GNB1: variants seen among roughly 807,000 people sequenced by gnomAD.
The protein encoded by GNB1 is guanine nucleotide-binding protein G(I)/G(S)/G(T) subunit beta-1.
In GNB1, 2 loss-of-function variants were observed where a neutral mutation model predicts 42.9. That is an observed-to-expected ratio of 0.05 (90% confidence interval 0.02 to 0.15). The LOEUF (loss-of-function observed/expected upper bound fraction) is 0.15, where lower values mean the gene tolerates loss of function less well. Ranked by LOEUF, GNB1 falls within the 10% of genes least tolerant of loss-of-function variation. The pLI is 1.00. For missense variants in GNB1, 193 were observed against 462.2 expected (o/e 0.42, Z 5.34); for synonymous variants, 183 against 174.7 (o/e 1.05, Z -0.38).
intron 1 of GNB1, among the ~76,000 whole-genome samples, chr1:1,880,218 C>T (rs1387305765): frequency 1.3e-5 from 2 of 152,206 alleles, no homozygotes; most frequent in African/African-American, 4.8e-5. Flanking sequence ...CAGGTGTGAG[C>T]TACCATGCCC....
intron 5 of GNB1, among the ~76,000 whole-genome samples, chr1:1,813,031 T>G (rs1441563617): frequency 6.6e-6 from 1 of 152,146 alleles, no homozygotes; most frequent in Non-Finnish European, 1.5e-5. Context: ...TCCACTAACC[T>G]GCCTAATCTG....
chr1:1,788,995 G>T, intron 10 of GNB1, 58 bp downstream of exon 10: 1 of 1,216,790 alleles, frequency 8.2e-7, no homozygotes, highest in Non-Finnish European at 1.2e-6. Context: ...CTCTGTGTTT[G>T]CTCTAAAGAT....
intron 1 of GNB1, among the ~76,000 whole-genome samples, chr1:1,886,393 C>A (rs190922313): frequency 6.6e-6 from 1 of 152,296 alleles, no homozygotes; most frequent in East Asian, 1.9e-4. Flanking sequence ...TTTCTTCAAT[C>A]AAAGTTCTAG....
At chr1:1,868,827 A>T (rs1490590698) in intron 1 of GNB1, among the ~76,000 whole-genome samples, 1 of 151,984 alleles carries the variant, frequency 6.6e-6, no homozygotes, top group Non-Finnish European at 1.5e-5. Flanking sequence ...ATCATGAAAC[A>T]AATGCCATTA....
chr1:1,789,605 C>T lies in GNB1; in HGVS notation c.700-336G>A, dbSNP rs138748377. ...TACTCAAGAGGCTGAAGCAGGAGAA[C>T]TGCTTGAAACCGGGAGGCGGCGGAG... On this transcript the variant is annotated intron_variant, in intron 9 of 11. Transcript: ENST00000378609. 8.7e-3 allele frequency among the ~76,000 whole-genome samples: 1,319 copies of T among 151,096 alleles called. 22 individuals are homozygous for T. The highest frequency in any genetic ancestry group is 0.031 in the African/African-American group (1,267 of 41,140).
At chr1:1,880,384 A>T (rs1267375387) in intron 1 of GNB1, among the ~76,000 whole-genome samples, 1 of 151,986 alleles carries the variant, frequency 6.6e-6, no homozygotes, top group Non-Finnish European at 1.5e-5. Flanking sequence ...GCGGATCACG[A>T]GGTCAGGAGA....
Position 1,787,412 on chromosome 1 carries a change from G to C in GNB1, c.942C>G (p.Arg314=). ...RAGVLAGHDN[R]VSCLGVTDDG... ...CGTCAGTCACGCCCAGGCAGCTGACGCGGTTGTCATGCCCAGCCAAGACAC... is the reference window on the plus strand; with the variant it reads ...CGTCAGTCACGCCCAGGCAGCTGACCCGGTTGTCATGCCCAGCCAAGACAC... The change falls in exon 11 of 12, where the codon CGC becomes CGG. Residue 314 remains arginine, a synonymous_variant. Transcript: ENST00000378609. This position sits in a 1 kb window ranked among gnomAD's most constrained non-coding sequence, Gnocchi z 4.4. 4 of 1,613,036 alleles carry C rather than the reference G, an allele frequency of 2.5e-6. No individual in the cohort carries two copies. The highest frequency in any genetic ancestry group is 2.5e-6 in the Non-Finnish European group (3 of 1,179,174).
At chr1:1,808,924 A>G (rs912166302) in intron 5 of GNB1, among the ~76,000 whole-genome samples, 1 of 152,170 alleles carries the variant, frequency 6.6e-6, no homozygotes, top group African/African-American at 2.4e-5. Flanking sequence ...GATTACAGAC[A>G]TAAGCCACAG....
At chr1:1,867,511 G>A (rs1171792447) in intron 1 of GNB1, among the ~76,000 whole-genome samples, 1 of 152,098 alleles carries the variant, frequency 6.6e-6, no homozygotes, top group African/African-American at 2.4e-5. Flanking sequence ...AGGAGTTTTT[G>A]AGCATTGTCT....
At chr1:1,890,591 C>A (rs984927609) in intron 1 of GNB1, among the ~76,000 whole-genome samples, 1 of 148,802 alleles carries the variant, frequency 6.7e-6, no homozygotes, top group Non-Finnish European at 1.5e-5. Flanking sequence ...CAGCCTTGGG[C>A]CTGGGACCCC....
intron 4 of GNB1, 169 bp downstream of exon 4, chr1:1,817,668 C>T (rs1401221245): frequency 3.7e-6 from 2 of 545,990 alleles, no homozygotes; most frequent in Non-Finnish European, 6.7e-6. Context: ...CAATAAGCCC[C>T]TCTATTTCCT....
intron 2 of GNB1, among the ~76,000 whole-genome samples, chr1:1,835,238 CAG>C (rs1409493676): frequency 6.6e-6 from 1 of 152,204 alleles, no homozygotes; most frequent in East Asian, 1.9e-4. Flanking sequence ...TGGCTGGAAG[CAG>C]AGTGACGCTT....
intron 1 of GNB1, among the ~76,000 whole-genome samples, chr1:1,842,888 C>T (rs550928184): frequency 2.6e-5 from 4 of 152,316 alleles, no homozygotes; most frequent in African/African-American, 9.6e-5. Flanking sequence ...AGCCTCGCTC[C>T]GGGGCAGGGT....
chr1:1,798,194 C>A (rs1487428095), intron 7 of GNB1, among the ~76,000 whole-genome samples: 1 of 152,234 alleles, frequency 6.6e-6, no homozygotes, highest in Non-Finnish European at 1.5e-5. Flanking sequence ...CCATGAGTGC[C>A]TCCATGATGG....
At chr1:1,879,338 A>C (rs1303057854) in intron 1 of GNB1, among the ~76,000 whole-genome samples, 1 of 152,210 alleles carries the variant, frequency 6.6e-6, no homozygotes, top group Non-Finnish European at 1.5e-5. Flanking sequence ...ATTAAAACTG[A>C]AATGTCCTAA....
chr1:1,849,613 G>C (rs1429906075), intron 1 of GNB1, among the ~76,000 whole-genome samples: 3 of 152,078 alleles, frequency 2.0e-5, no homozygotes, highest in Admixed American at 6.6e-5. Flanking sequence ...TGTTGCCCAG[G>C]CTGCTCTCAA....
chr1:1,805,545 A>G (rs1331261697), intron 6 of GNB1, among the ~76,000 whole-genome samples: 2 of 152,094 alleles, frequency 1.3e-5, no homozygotes, highest in East Asian at 3.9e-4. Flanking sequence ...TGAAAACAAA[A>G]AATTTTTTTT....
intron 1 of GNB1, among the ~76,000 whole-genome samples, chr1:1,855,843 G>A (rs1648265866): frequency 6.6e-6 from 1 of 152,228 alleles, no homozygotes; most frequent in Admixed American, 6.5e-5. Flanking sequence ...AGAGGAGGAG[G>A]CAATAGTGTC....
intron 1 of GNB1, among the ~76,000 whole-genome samples, chr1:1,884,746 G>C (rs547122689): frequency 6.6e-6 from 1 of 151,280 alleles, no homozygotes; most frequent in Non-Finnish European, 1.5e-5. Flanking sequence ...GCAGTGGCGC[G>C]ATCTCCACTC....
Sources: gnomAD v4.1 joint callset for allele counts (sites outside exome capture counted in the v4.1 genomes callset) on GRCh38, gnomAD v4.1.1 for gene constraint, Gnocchi (gnomAD v3.1) non-coding constraint, MANE v1.5 for transcripts, NCBI Gene and HGNC (gene_info 2026-07-23, HGNC 2026-07-21) for gene names.